The following ZFHX3 variants were observed in gnomAD, a reference collection of about 807,000 sequenced individuals.
ZFHX3 encodes the protein zinc finger homeobox protein 3.
In ZFHX3, 42 loss-of-function variants were observed where a neutral mutation model predicts 279.1. The observed-to-expected ratio is 0.15, with a 90% confidence interval of 0.12 to 0.19. The LOEUF (loss-of-function observed/expected upper bound fraction) is 0.19. ZFHX3 is among the 10% of genes least tolerant of loss of function. ZFHX3 has a pLI of 1.00. For synonymous variants in ZFHX3, 2,293 were observed against 1,957.8 expected (o/e 1.17, Z -4.52); for missense variants, 4,981 against 4,754.0 (o/e 1.05, Z -1.40).
chr16:73,038,183 G>C (rs533619344), intron 1 of ZFHX3, among the ~76,000 whole-genome samples: 7 of 152,280 alleles, frequency 4.6e-5, no homozygotes, highest in African/African-American at 7.2e-5. Flanking sequence ...GCATTAGTCT[G>C]TGTGGTGCGA....
At chr16:73,469,627 A>G (rs4888345) in intron 2 of ZFHX3, among the ~76,000 whole-genome samples, 6 of 149,860 alleles carry the variant, frequency 4.0e-5, no homozygotes, top group African/African-American at 1.5e-4. Context: ...ATATATATAT[A>G]TTTTTTTTGA....
At chr16:72,822,945 G>C (rs1482546522) in intron 5 of ZFHX3, among the ~76,000 whole-genome samples, 1 of 152,046 alleles carries the variant, frequency 6.6e-6, no homozygotes, top group South Asian at 2.1e-4. Context: ...TGGAATTTGG[G>C]CAAGTCCAGA....
intron 1 of ZFHX3, among the ~76,000 whole-genome samples, chr16:73,887,226 G>C (rs2030376169): frequency 6.6e-6 from 1 of 152,174 alleles, no homozygotes; most frequent in South Asian, 2.1e-4. Context: ...GTGACAGCGT[G>C]TTGGCGGCAA....
chr16:73,196,412 T>C (rs1193340610), intron 5 of ZFHX3, among the ~76,000 whole-genome samples: 1 of 152,092 alleles, frequency 6.6e-6, no homozygotes, highest in Non-Finnish European at 1.5e-5. Context: ...GGCTACGGAC[T>C]TCGATACAGC....
At chr16:73,702,940 G>A (rs1443094034) in intron 1 of ZFHX3, among the ~76,000 whole-genome samples, 5 of 152,054 alleles carry the variant, frequency 3.3e-5, no homozygotes, top group Non-Finnish European at 4.4e-5. Context: ...TAATGGTGTC[G>A]GTATAATTAT....
chr16:73,809,442 T>A (rs1178299240), intron 1 of ZFHX3: 1 of 152,182 alleles, frequency 6.6e-6, no homozygotes, highest in African/African-American at 2.4e-5. Context: ...CCTCCTCACC[T>A]AGGTTAGAGC....
intron 2 of ZFHX3, among the ~76,000 whole-genome samples, chr16:73,540,043 C>T (rs1236545886): frequency 6.6e-6 from 1 of 152,190 alleles, no homozygotes; most frequent in Non-Finnish European, 1.5e-5. Flanking sequence ...AGTACTTACG[C>T]TGCCATAAGC....
chr16:73,353,363 G>T (rs2016282366), intron 3 of ZFHX3, among the ~76,000 whole-genome samples: 2 of 152,186 alleles, frequency 1.3e-5, no homozygotes, highest in Admixed American at 6.5e-5. Context: ...CTCACTCTGG[G>T]TTGACCCAGG....
At chr16:73,035,137 A>C (rs1720995568) in intron 1 of ZFHX3, among the ~76,000 whole-genome samples, 1 of 150,540 alleles carries the variant, frequency 6.6e-6, no homozygotes, top group Non-Finnish European at 1.5e-5. Flanking sequence ...AAAATACAGG[A>C]CTCCAAAGAT....
At chr16:73,555,350 T>G (rs979316465) in intron 2 of ZFHX3, among the ~76,000 whole-genome samples, 4 of 151,852 alleles carry the variant, frequency 2.6e-5, no homozygotes, top group African/African-American at 9.7e-5. Flanking sequence ...GAGACGGGGT[T>G]TCACAGTGTC....
chr16:73,815,250 A>G (rs2142341721), intron 1 of ZFHX3, among the ~76,000 whole-genome samples: 1 of 152,330 alleles, frequency 6.6e-6, no homozygotes, highest in East Asian at 1.9e-4. Context: ...GTGTCTTTTC[A>G]AAGCTCACAC....
rs552801060 is a variant in ZFHX3, at chr16:73,315,002, C to T, written c.-1194+3238G>A. Reference sequence around the variant, plus strand: ...CAGCACTTTGGGAGGCTGAGGCAGGCGGATCACCTAAGGTCAGGAGTTTGA... The same window carrying T: ...CAGCACTTTGGGAGGCTGAGGCAGGTGGATCACCTAAGGTCAGGAGTTTGA... On this transcript the variant is annotated intron_variant, in intron 4 of 17. Transcript: ENST00000641206. Among the ~76,000 whole-genome samples the T allele has an allele frequency of 2.0e-4, 30 of 152,200 alleles. 1 individual carries two copies. In the South Asian group the frequency reaches 3.1e-3, roughly 16 times the overall value.
At chr16:73,543,656 C>G (rs190300568) in intron 2 of ZFHX3, among the ~76,000 whole-genome samples, 88 of 152,342 alleles carry the variant, frequency 5.8e-4, no homozygotes, top group African/African-American at 2.1e-3. Context: ...ACCCTGCCCT[C>G]TCACCTCAGG....
At chr16:73,357,848 C>T (rs1227248062) in intron 3 of ZFHX3, among the ~76,000 whole-genome samples, 1 of 152,200 alleles carries the variant, frequency 6.6e-6, no homozygotes, top group Non-Finnish European at 1.5e-5. Flanking sequence ...GGCTGGTCTG[C>T]TCCAACCCAC....
At chr16:73,817,691 C>G (rs915091833) in intron 1 of ZFHX3, among the ~76,000 whole-genome samples, 1 of 152,184 alleles carries the variant, frequency 6.6e-6, no homozygotes, top group South Asian at 2.1e-4. Flanking sequence ...TCCCTGGAGA[C>G]GAGCAGCATT....
At chr16:73,704,531 A>G (rs969732965) in intron 1 of ZFHX3, among the ~76,000 whole-genome samples, 5 of 152,364 alleles carry the variant, frequency 3.3e-5, no homozygotes, top group East Asian at 3.9e-4. Context: ...TGTACTGCAC[A>G]TAAGACACTG....
At chr16:73,106,662 C>T (rs1279800644) in intron 7 of ZFHX3, among the ~76,000 whole-genome samples, 1 of 152,176 alleles carries the variant, frequency 6.6e-6, no homozygotes, top group Non-Finnish European at 1.5e-5. Flanking sequence ...TTGGAAAAAG[C>T]TGGGGGCCAA....
intron 5 of ZFHX3, among the ~76,000 whole-genome samples, chr16:73,246,411 G>A (rs1247532322): frequency 6.6e-6 from 1 of 152,168 alleles, no homozygotes; most frequent in Admixed American, 6.5e-5. Flanking sequence ...CAAGACTCAG[G>A]ATCAGAAGTC....
intron 2 of ZFHX3, among the ~76,000 whole-genome samples, chr16:73,650,985 A>G (rs2052665001): frequency 6.6e-6 from 1 of 152,244 alleles, no homozygotes; most frequent in Non-Finnish European, 1.5e-5. Context: ...ACAGTTTATA[A>G]GACACTTACG....
Sources: gnomAD v4.1 joint callset for allele counts (sites outside exome capture counted in the v4.1 genomes callset) on GRCh38, gnomAD v4.1.1 for gene constraint, MANE v1.5 for transcripts, NCBI Gene and HGNC (gene_info 2026-07-23, HGNC 2026-07-21) for gene names.